The following CERT1 variants were observed in gnomAD, a reference collection of about 807,000 sequenced individuals.
CERT1 encodes ceramide transporter 1.
CERT1 carries 31 observed loss-of-function variants against 87.9 expected under a neutral mutation model. That is an observed-to-expected ratio of 0.35 (90% CI 0.27 to 0.48). The LOEUF (loss-of-function observed/expected upper bound fraction) is 0.48, where lower values mean the gene tolerates loss of function less well. CERT1 is among the 20% of genes least tolerant of loss of function. The probability of loss-of-function intolerance (pLI) is 0.99; values close to 1 mark genes in which losing one functional copy is unlikely to be tolerated. For synonymous variants in CERT1, 289 were observed against 250.9 expected (o/e 1.15, Z -1.44); for missense variants, 487 against 758.0 (o/e 0.64, Z 4.20).
intron 17 of CERT1, chr5:75,370,072 GCA>G (rs1385020436): frequency 3.9e-5 from 6 of 152,310 alleles, no homozygotes; most frequent in East Asian, 1.9e-4. Context: ...AAGAAAAACT[GCA>G]CAGTTAAAAG....
intron 2 of CERT1, among the ~76,000 whole-genome samples, chr5:75,483,538 CAAG>C (rs1008968298): frequency 2.6e-5 from 4 of 151,912 alleles, no homozygotes; most frequent in South Asian, 4.2e-4. Flanking sequence ...TATAGAACAT[CAAG>C]AAGATTTAAT....
At chr5:75,489,744 G>A (rs541813079) in intron 2 of CERT1, among the ~76,000 whole-genome samples, 127 of 152,322 alleles carry the variant, frequency 8.3e-4, no homozygotes, top group Admixed American at 1.4e-3. Flanking sequence ...AATAGATGCT[G>A]GAGAGGATGT....
At position 75,511,597 on chromosome 5, in the gene CERT1, A is replaced by T. The variant is rs1768010074; in HGVS notation, c.-390T>A. 1 of 1,465,804 alleles carries T rather than the reference A, an allele frequency of 6.8e-7. No homozygotes were observed. The highest frequency in any genetic ancestry group is 2.4e-5 in the Admixed American group (1 of 41,114). 90.8% of individuals were successfully genotyped at this position (1,465,804 alleles called of 1,614,324 possible). A position where few individuals can be genotyped will look rare whatever the true frequency, so the allele number is the denominator to read the frequency against. On this transcript the variant is annotated 5_prime_UTR_variant, in exon 1 of 17. Coordinates refer to ENST00000643780, the MANE Select transcript of CERT1 (RefSeq NM_001379029.1). ...TCCCGCGTCCACTCACACCTCCGCT[A>T]CCGCCGCCATCTTCCTGCCTGGCCC...
chr5:75,461,725 G>A (rs1765240450), intron 2 of CERT1, among the ~76,000 whole-genome samples: 1 of 150,816 alleles, frequency 6.6e-6, no homozygotes, highest in Non-Finnish European at 1.5e-5. Flanking sequence ...TACCATCTAT[G>A]ATCTGGAGCA....
rs188936341 is a variant in CERT1 at position 75,412,952 on chromosome 5, T to C, written c.838-1849A>G. On this transcript the variant is annotated intron_variant, in intron 7 of 16. Coordinates refer to ENST00000643780, the MANE Select transcript of CERT1 (RefSeq NM_001379029.1). ...CCTTAGCTTACTGTAACTTTTACTTTATAAACTTTTTAATTTTTTAAACTT... is the reference window on the plus strand; with the variant it reads ...CCTTAGCTTACTGTAACTTTTACTTCATAAACTTTTTAATTTTTTAAACTT... 1.1e-3 allele frequency among the ~76,000 whole-genome samples: 171 copies of C among 152,352 alleles called. 1 individual carries two copies. The highest frequency in any genetic ancestry group is 7.4e-3 in the Admixed American group (113 of 15,306).
At chr5:75,474,805 T>C (rs184530674) in intron 2 of CERT1, among the ~76,000 whole-genome samples, 2 of 152,002 alleles carry the variant, frequency 1.3e-5, no homozygotes, top group East Asian at 1.9e-4. Flanking sequence ...TCCTATGCCT[T>C]CTTCTACTAG....
chr5:75,473,695 T>C (rs1240190681), intron 2 of CERT1, among the ~76,000 whole-genome samples: 1 of 152,142 alleles, frequency 6.6e-6, no homozygotes, highest in Non-Finnish European at 1.5e-5. Flanking sequence ...GATTACATAC[T>C]ATGTTCTTGA....
intron 2 of CERT1, among the ~76,000 whole-genome samples, chr5:75,475,422 C>T (rs180768029): frequency 6.6e-6 from 1 of 152,200 alleles, no homozygotes; most frequent in East Asian, 1.9e-4. Context: ...TCTGCTGCTG[C>T]CCCACCTTCC....
At chr5:75,432,331 G>A (rs1344769778) in intron 3 of CERT1, among the ~76,000 whole-genome samples, 1 of 152,198 alleles carries the variant, frequency 6.6e-6, no homozygotes, top group East Asian at 1.9e-4. Flanking sequence ...TGGGATTACA[G>A]GCATGAGCCA....
chr5:75,380,962 TAGTAATCTAA>T, intron 16 of CERT1, 100 bp downstream of exon 16: 1 of 1,135,962 alleles, frequency 8.8e-7, no homozygotes, highest in South Asian at 1.5e-5. Flanking sequence ...AATTAAAAAT[TAGTAATCTAA>T]TGGATAAGAA....
intron 16 of CERT1, 76 bp from the exon 17 acceptor site, chr5:75,379,549 T>C (rs1303470116): frequency 1.5e-6 from 2 of 1,365,882 alleles, no homozygotes; most frequent in Non-Finnish European, 2.0e-6. Context: ...ATTTGTTCCC[T>C]TGTTTTTAAA....
At chr5:75,480,944 G>A (rs1766212349) in intron 2 of CERT1, among the ~76,000 whole-genome samples, 1 of 152,140 alleles carries the variant, frequency 6.6e-6, no homozygotes, top group Non-Finnish European at 1.5e-5. Flanking sequence ...AAGGCTGCCT[G>A]ATTCTATTTT....
chr5:75,478,061 C>A (rs1274294212), intron 2 of CERT1, among the ~76,000 whole-genome samples: 1 of 152,070 alleles, frequency 6.6e-6, no homozygotes, highest in African/African-American at 2.4e-5. Context: ...GCCTGTAATC[C>A]CAGCACTTTG....
In CERT1 at chr5:75,379,305, G is replaced by T. The variant is rs1438779543; in HGVS notation, c.*41C>A. On this transcript the variant is annotated 3_prime_UTR_variant, in exon 17 of 17. Coordinates refer to ENST00000643780, the MANE Select transcript of CERT1 (RefSeq NM_001379029.1). ...TTGACAGTCATATTAGTCAAATAAAGTTAAAAAAAGATAAAACATATCTTC... is the reference window on the plus strand; with the variant it reads ...TTGACAGTCATATTAGTCAAATAAATTTAAAAAAAGATAAAACATATCTTC... The T allele has an allele frequency of 6.5e-7, 1 of 1,536,240 alleles. No individual in the cohort carries two copies. The highest frequency in any genetic ancestry group is 8.9e-7 in the Non-Finnish European group (1 of 1,128,974).
intron 2 of CERT1, among the ~76,000 whole-genome samples, chr5:75,463,797 G>C (rs371468890): frequency 6.6e-6 from 1 of 152,138 alleles, no homozygotes; most frequent in Non-Finnish European, 1.5e-5. Flanking sequence ...TAAAATCAGG[G>C]GTCTATAGAG....
intron 3 of CERT1, among the ~76,000 whole-genome samples, chr5:75,448,497 T>G (rs1442697289): frequency 6.6e-6 from 1 of 152,190 alleles, no homozygotes; most frequent in Admixed American, 6.5e-5. Context: ...GCAATAACGA[T>G]AATATAAGTA....
intron 3 of CERT1, among the ~76,000 whole-genome samples, chr5:75,452,158 TCCACA>T (rs1764794010): frequency 6.6e-6 from 1 of 152,168 alleles, no homozygotes; most frequent in African/African-American, 2.4e-5. Flanking sequence ...TAAGAACAAT[TCCACA>T]AATATTAAAT....
chr5:75,502,871 G>A (rs1354827381), intron 2 of CERT1, among the ~76,000 whole-genome samples: 5 of 152,030 alleles, frequency 3.3e-5, no homozygotes, highest in African/African-American at 1.2e-4. Context: ...GGCAAATTTT[G>A]TAGCAGGGGC....
intron 2 of CERT1, among the ~76,000 whole-genome samples, chr5:75,487,096 T>G (rs1438911176): frequency 2.0e-5 from 3 of 152,090 alleles, no homozygotes; most frequent in African/African-American, 7.2e-5. Flanking sequence ...TACAGAGCTA[T>G]AGTAACCAAA....
Sources: allele counts gnomAD v4.1 joint callset (sites outside exome capture counted in the v4.1 genomes callset), GRCh38; gene constraint gnomAD v4.1.1; transcripts MANE v1.5; gene names NCBI Gene and HGNC (gene_info 2026-07-23, HGNC 2026-07-21).